Variants in PDPN observed in about 807,000 individuals in gnomAD.
PDPN encodes the protein PA2.26 antigen.
A neutral mutation model predicts 23.2 loss-of-function variants in PDPN; 12 were observed. That is an observed-to-expected ratio of 0.52 (90% confidence interval 0.33 to 0.84). PDPN has a LOEUF of 0.84. PDPN is among the 40% of genes least tolerant of loss of function. PDPN has a pLI of 0.02. For synonymous variants in PDPN, 77 were observed against 76.7 expected, an observed-to-expected ratio of 1.00 and a Z score of -0.02; for missense variants, 199 against 212.2, an observed-to-expected ratio of 0.94 and a Z score of 0.39.
chr1:13,591,314 T>TTA (rs1290856840), intron 1 of PDPN, among the ~76,000 whole-genome samples: 3 of 152,194 alleles, frequency 2.0e-5, no homozygotes, highest in African/African-American at 7.2e-5. Context: ...TAGTCACCTC[T>TTA]TACAGCACTC....
intron 1 of PDPN, among the ~76,000 whole-genome samples, chr1:13,588,720 C>G (rs1640252191): frequency 6.7e-6 from 1 of 148,472 alleles, no homozygotes; most frequent in Admixed American, 6.8e-5. Flanking sequence ...ACTCTGTCAC[C>G]CAGGCTGGAG....
chr1:13,599,043 G>A (rs1640571231), intron 1 of PDPN, among the ~76,000 whole-genome samples: 1 of 122,026 alleles, frequency 8.2e-6, no homozygotes, highest in Non-Finnish European at 1.8e-5. Flanking sequence ...ATGGAGTCTC[G>A]CTCTGTCACT....
At chr1:13,602,900 T>C (rs1206203756) in intron 1 of PDPN, among the ~76,000 whole-genome samples, 1 of 151,962 alleles carries the variant, frequency 6.6e-6, no homozygotes, top group African/African-American at 2.4e-5. Flanking sequence ...AATGGCAGGC[T>C]GGGCACAGTG....
At chr1:13,590,051 C>T (rs563048688) in intron 1 of PDPN, among the ~76,000 whole-genome samples, 149 of 152,382 alleles carry the variant, frequency 9.8e-4, no homozygotes, top group Non-Finnish European at 1.9e-3. Context: ...TGTTCTTGAA[C>T]TCCTGACCTC....
chr1:13,598,931 G>A (rs932631662), intron 1 of PDPN, among the ~76,000 whole-genome samples: 1 of 151,870 alleles, frequency 6.6e-6, no homozygotes. Context: ...CAGGGTGGGG[G>A]TAAGCATTCA....
At chr1:13,596,198 CAAAAAA>C (rs74323863) in intron 1 of PDPN, among the ~76,000 whole-genome samples, 2 of 68,056 alleles carry the variant, frequency 2.9e-5, no homozygotes, top group African/African-American at 1.0e-4. Flanking sequence ...GACTCCGTCT[CAAAAAA>C]AAAAAAAAAA....
At chr1:13,615,881 C>T (rs370393698) in intron 5 of PDPN, 24 bp from the exon 6 acceptor site, 25 of 1,610,004 alleles carry the variant, frequency 1.6e-5, no homozygotes, top group African/African-American at 2.7e-5. Context: ...GAGACACGAC[C>T]GTCACCCTTC....
At chr1:13,589,186 T>G (rs61777779) in intron 1 of PDPN, among the ~76,000 whole-genome samples, 17,375 of 152,218 alleles carry the variant, frequency 0.11, 1,063 homozygotes, top group Middle Eastern at 0.15. Flanking sequence ...TGGAAATTTA[T>G]TCCACCCGAC....
intron 1 of PDPN, among the ~76,000 whole-genome samples, chr1:13,598,178 G>T (rs937191508): frequency 2.0e-5 from 3 of 151,964 alleles, no homozygotes; most frequent in African/African-American, 7.2e-5. Flanking sequence ...ACCACGCCTG[G>T]CTAATTTTTT....
At chr1:13,586,807 C>T (rs1640192159) in intron 1 of PDPN, among the ~76,000 whole-genome samples, 1 of 150,212 alleles carries the variant, frequency 6.7e-6, no homozygotes, top group African/African-American at 2.5e-5. Context: ...GTGGCTCACG[C>T]CTGTGAGGGG....
In PDPN at chr1:13,583,969, T is replaced by A; in HGVS notation, c.-65T>A. 6.2e-7 allele frequency: 1 copy of A among 1,613,724 alleles called. No homozygotes were observed. The highest frequency in any genetic ancestry group is 1.6e-4 in the Middle Eastern group (1 of 6,062). ...CTGGGCCTGTGGCCGCGGTGCTTTT[T>A]AATTTTCCCCCAGCTCAGAATCTTG... On this transcript the variant is annotated 5_prime_UTR_variant, in exon 1 of 6. Coordinates refer to ENST00000621990, the MANE Select transcript of PDPN (RefSeq NM_006474.5).
At chr1:13,592,316 G>A (rs967287709) in intron 1 of PDPN, among the ~76,000 whole-genome samples, 1 of 151,994 alleles carries the variant, frequency 6.6e-6, no homozygotes, top group African/African-American at 2.4e-5. Flanking sequence ...TTAAAATTTT[G>A]GTAAAGTTAA....
chr1:13,606,919 G>A (rs186224659), intron 1 of PDPN, among the ~76,000 whole-genome samples: 31 of 152,242 alleles, frequency 2.0e-4, no homozygotes, highest in Admixed American at 8.5e-4. Context: ...CCCAGGGAGG[G>A]GCTGGCTGCT....
At chr1:13,608,061 C>G (rs1366477396) in intron 2 of PDPN, among the ~76,000 whole-genome samples, 1 of 152,120 alleles carries the variant, frequency 6.6e-6, no homozygotes, top group Non-Finnish European at 1.5e-5. Context: ...GCCGAGATCG[C>G]ACCACTGCAC....
At chr1:13,589,194 G>A (rs1026717741) in intron 1 of PDPN, among the ~76,000 whole-genome samples, 1 of 152,142 alleles carries the variant, frequency 6.6e-6, no homozygotes, top group Non-Finnish European at 1.5e-5. Context: ...TATTCCACCC[G>A]ACAGCTCCAC....
At chr1:13,607,103 A>G in intron 1 of PDPN, 70 bp from the exon 2 acceptor site, 6 of 1,493,220 alleles carry the variant, frequency 4.0e-6, no homozygotes, top group South Asian at 3.7e-5. Flanking sequence ...AATAATCCGA[A>G]TGTAGCCGAC....
At chr1:13,595,009 G>T (rs1247125155) in intron 1 of PDPN, among the ~76,000 whole-genome samples, 1 of 144,478 alleles carries the variant, frequency 6.9e-6, no homozygotes, top group Non-Finnish European at 1.5e-5. Flanking sequence ...AAAAAAAAAA[G>T]AAAGAAAGAA....
intron 1 of PDPN, among the ~76,000 whole-genome samples, chr1:13,600,628 G>A (rs183991988): frequency 1.3e-5 from 2 of 152,296 alleles, no homozygotes; most frequent in East Asian, 3.9e-4. Flanking sequence ...GCCTCCCAAA[G>A]TGCTGGGATT....
At chr1:13,585,535 A>T in intron 1 of PDPN, 3 of 1,351,614 alleles carry the variant, frequency 2.2e-6, no homozygotes, top group Non-Finnish European at 2.9e-6. Flanking sequence ...CCCTCACTTC[A>T]GCATCTCAGC....
Sources: gnomAD v4.1 joint callset for allele counts (sites outside exome capture counted in the v4.1 genomes callset) on GRCh38, gnomAD v4.1.1 for gene constraint, MANE v1.5 for transcripts, NCBI Gene and HGNC (gene_info 2026-07-23, HGNC 2026-07-21) for gene names.